Variants in ITPR1 observed in about 807,000 individuals in gnomAD.
ITPR1 encodes inositol 1,4,5-trisphosphate-gated calcium channel ITPR1.
ITPR1 carries 96 observed loss-of-function variants against 318.4 expected under a neutral mutation model. That is an observed-to-expected ratio of 0.30 (90% CI 0.26 to 0.36). ITPR1 has a LOEUF of 0.36. ITPR1 is among the 10% of genes least tolerant of loss of function. ITPR1 has a pLI of 1.00. For missense variants in ITPR1, 2,440 were observed against 3,460.2 expected (o/e 0.71, Z 7.40); for synonymous variants, 1,312 against 1,289.9 (o/e 1.02, Z -0.37).
intron 60 of ITPR1, among the ~76,000 whole-genome samples, chr3:4,827,084 A>G (rs1324878676): frequency 6.6e-6 from 1 of 152,222 alleles, no homozygotes; most frequent in Non-Finnish European, 1.5e-5. Context: ...TATTATACAC[A>G]TGAAATACCT....
At chr3:4,712,483 CCCAG>C (rs1385712041) in intron 39 of ITPR1, among the ~76,000 whole-genome samples, 1 of 152,176 alleles carries the variant, frequency 6.6e-6, no homozygotes, top group Non-Finnish European at 1.5e-5. Flanking sequence ...CCTTTCAGCC[CCCAG>C]CAACAAATGA....
chr3:4,564,581 G>T (rs1420420417), intron 4 of ITPR1, among the ~76,000 whole-genome samples: 1 of 152,062 alleles, frequency 6.6e-6, no homozygotes, highest in Non-Finnish European at 1.5e-5. Context: ...TTAGGAGCTG[G>T]GTACTTTGAG....
intron 4 of ITPR1, among the ~76,000 whole-genome samples, chr3:4,534,761 T>C (rs1034409228): frequency 1.3e-5 from 2 of 152,218 alleles, no homozygotes; most frequent in South Asian, 2.1e-4. Context: ...ATGACACTTA[T>C]ATATAAGCTC....
At chr3:4,696,829 G>A (rs1232393884) in intron 33 of ITPR1, among the ~76,000 whole-genome samples, 3 of 151,362 alleles carry the variant, frequency 2.0e-5, no homozygotes, top group South Asian at 2.1e-4. Context: ...TCCCAACTTG[G>A]GCCCATTTAC....
intron 54 of ITPR1, 47 bp downstream of exon 54, chr3:4,800,647 A>G: frequency 6.3e-7 from 1 of 1,577,932 alleles, no homozygotes. Flanking sequence ...GCAGATTAAT[A>G]GGAATGCCTT....
At chr3:4,546,052 GAAC>G (rs2084964441) in intron 4 of ITPR1, among the ~76,000 whole-genome samples, 1 of 152,078 alleles carries the variant, frequency 6.6e-6, no homozygotes, top group Admixed American at 6.6e-5. Flanking sequence ...GTCACAACAA[GAAC>G]AACTTTAGAG....
intron 61 of ITPR1, among the ~76,000 whole-genome samples, chr3:4,837,437 T>A (rs1225585723): frequency 2.0e-5 from 3 of 152,104 alleles, no homozygotes; most frequent in Non-Finnish European, 4.4e-5. Flanking sequence ...TGAGTGGCTA[T>A]CATAGTACAG....
intron 37 of ITPR1, among the ~76,000 whole-genome samples, chr3:4,709,743 G>A (rs1313541700): frequency 6.6e-6 from 1 of 152,146 alleles, no homozygotes; most frequent in Non-Finnish European, 1.5e-5. Flanking sequence ...CATGTATTTA[G>A]CATGTTGATA....
chr3:4,706,040 A>C, intron 36 of ITPR1, 127 bp from the exon 37 acceptor site: 3 of 875,152 alleles, frequency 3.4e-6, no homozygotes, highest in East Asian at 5.2e-5. Flanking sequence ...CTTTAAGCTC[A>C]ATACCAGGCA....
intron 4 of ITPR1, among the ~76,000 whole-genome samples, chr3:4,583,917 G>T (rs1471015013): frequency 6.6e-6 from 1 of 152,118 alleles, no homozygotes; most frequent in South Asian, 2.1e-4. Flanking sequence ...TTGAAACTAG[G>T]TACTCACAAA....
intron 44 of ITPR1, among the ~76,000 whole-genome samples, chr3:4,757,740 C>T (rs751636148): frequency 8.5e-5 from 13 of 152,198 alleles, no homozygotes; most frequent in Admixed American, 3.3e-4. Flanking sequence ...GCATATAAAG[C>T]GCTTAGCGCC....
intron 4 of ITPR1, among the ~76,000 whole-genome samples, chr3:4,587,942 A>G (rs2090060256): frequency 6.8e-6 from 1 of 147,344 alleles, no homozygotes; most frequent in South Asian, 2.3e-4. Flanking sequence ...GGAATCCAAA[A>G]TAGAAGCTGT....
intron 4 of ITPR1, among the ~76,000 whole-genome samples, chr3:4,543,261 CAA>C (rs879593198): frequency 2.5e-5 from 3 of 118,906 alleles, no homozygotes; most frequent in Non-Finnish European, 3.7e-5. Flanking sequence ...GAGCCTGTCT[CAA>C]AAAAAAAAAA....
intron 24 of ITPR1, among the ~76,000 whole-genome samples, chr3:4,680,224 T>C (rs1010710793): frequency 2.0e-5 from 3 of 152,196 alleles, no homozygotes; most frequent in Non-Finnish European, 4.4e-5. Flanking sequence ...AGAGTTGACA[T>C]TCAATACTTA....
At chr3:4,749,935 C>A (rs2044377771) in intron 44 of ITPR1, 1 of 152,870 alleles carries the variant, frequency 6.5e-6, no homozygotes, top group African/African-American at 2.4e-5. Flanking sequence ...ATTTGTGTTT[C>A]CCTGTGCAGT....
intron 4 of ITPR1, among the ~76,000 whole-genome samples, chr3:4,524,879 C>G (rs552018266): frequency 6.6e-6 from 1 of 152,260 alleles, no homozygotes; most frequent in South Asian, 2.1e-4. Flanking sequence ...GTTTTCTCAC[C>G]TGTAAAATGG....
chr3:4,689,210 T>A (rs1176077872), intron 31 of ITPR1, among the ~76,000 whole-genome samples: 1 of 152,218 alleles, frequency 6.6e-6, no homozygotes, highest in Non-Finnish European at 1.5e-5. Context: ...TTCCATAGAA[T>A]GGCTGTAACT....
At chr3:4,777,635 G>T (rs2046561679) in intron 48 of ITPR1, among the ~76,000 whole-genome samples, 1 of 152,124 alleles carries the variant, frequency 6.6e-6, no homozygotes, top group Non-Finnish European at 1.5e-5. Flanking sequence ...GCTAAGAAGT[G>T]AATCCCAACA....
intron 4 of ITPR1, among the ~76,000 whole-genome samples, chr3:4,564,824 G>T (rs1575547970): frequency 6.6e-6 from 1 of 152,136 alleles, no homozygotes. Context: ...AGCGACTGAG[G>T]GTTAGGACTT....
Sources: allele counts gnomAD v4.1 joint callset (sites outside exome capture counted in the v4.1 genomes callset), GRCh38; gene constraint gnomAD v4.1.1; transcripts MANE v1.5; gene names NCBI Gene and HGNC (gene_info 2026-07-23, HGNC 2026-07-21).